The following FBXL17 variants were observed in gnomAD, a reference collection of about 807,000 sequenced individuals.
FBXL17 encodes the protein F-box/LRR-repeat protein 17.
Under a neutral mutation model 66.2 loss-of-function variants are expected in FBXL17, and 22 were observed. The ratio of observed to expected loss-of-function variants is 0.33; its 90% CI spans 0.24 to 0.47. FBXL17 has a LOEUF of 0.47. FBXL17 is among the 20% of genes least tolerant of loss of function. FBXL17 has a pLI of 1.00. For synonymous variants in FBXL17, 474 were observed against 400.5 expected (o/e 1.18, Z -2.19); for missense variants, 878 against 948.2 (o/e 0.93, Z 0.97).
At chr5:108,246,147 T>C (rs777598608) in intron 4 of FBXL17, among the ~76,000 whole-genome samples, 6 of 152,004 alleles carry the variant, frequency 3.9e-5, no homozygotes, top group Non-Finnish European at 8.8e-5. Flanking sequence ...CCTTCTTTAC[T>C]CTCCCAGCAC....
intron 6 of FBXL17, among the ~76,000 whole-genome samples, chr5:108,175,355 C>T (rs867821238): frequency 6.6e-6 from 1 of 152,106 alleles, no homozygotes; most frequent in Admixed American, 6.5e-5. Flanking sequence ...CAGAGCCATG[C>T]GCTATAGATT....
At chr5:108,295,165 A>G (rs923788482) in intron 4 of FBXL17, among the ~76,000 whole-genome samples, 1 of 152,016 alleles carries the variant, frequency 6.6e-6, no homozygotes, top group Admixed American at 6.6e-5. Flanking sequence ...GATTCCTAGT[A>G]AAATTTTAAA....
chr5:107,920,155 G>A (rs142945943), intron 7 of FBXL17, among the ~76,000 whole-genome samples: 173 of 152,246 alleles, frequency 1.1e-3, no homozygotes, highest in Non-Finnish European at 2.1e-3. Flanking sequence ...TGCAAACTGA[G>A]AACCAAAGTG....
At chr5:108,020,181 GAAA>G (rs909463073) in intron 7 of FBXL17, among the ~76,000 whole-genome samples, 20 of 151,772 alleles carry the variant, frequency 1.3e-4, no homozygotes, top group Middle Eastern at 3.4e-3. Context: ...AAAAGTCAGA[GAAA>G]ATAAACGAAA....
At chr5:108,318,222 C>A (rs1759460579) in intron 4 of FBXL17, among the ~76,000 whole-genome samples, 2 of 151,660 alleles carry the variant, frequency 1.3e-5, no homozygotes, top group Admixed American at 1.3e-4. Context: ...CTATACCCAG[C>A]ATACTGTACT....
intron 7 of FBXL17, among the ~76,000 whole-genome samples, chr5:107,924,670 T>C (rs145094436): frequency 6.6e-6 from 1 of 152,314 alleles, no homozygotes; most frequent in East Asian, 1.9e-4. Flanking sequence ...TCAGCAATTC[T>C]GGACTTAACC....
intron 4 of FBXL17, among the ~76,000 whole-genome samples, chr5:108,334,917 G>T (rs1760306326): frequency 6.6e-6 from 1 of 152,114 alleles, no homozygotes; most frequent in African/African-American, 2.4e-5. Flanking sequence ...TTCACTGTCT[G>T]AAAATGGAAA....
At chr5:108,215,199 T>C (rs183333474) in intron 5 of FBXL17, among the ~76,000 whole-genome samples, 2 of 152,382 alleles carry the variant, frequency 1.3e-5, no homozygotes, top group East Asian at 1.9e-4. Context: ...CTTTGAATCC[T>C]GTTTTTAATT....
At position 108,345,636 on chromosome 5, in the gene FBXL17, C is replaced by T. The variant is rs1037222509; in HGVS notation, c.1506+2763G>A. On this transcript the variant is annotated intron_variant, in intron 4 of 8. Coordinates refer to ENST00000542267, the MANE Select transcript of FBXL17 (RefSeq NM_001163315.3). ...TTTCCCATTAAGGTCACATAAAGAA[C>T]AAAAATGTAAAATAAACCACAACAT... is the stretch of plus-strand genomic sequence containing the variant. Among the ~76,000 whole-genome samples the T allele has an allele frequency of 6.7e-5, 10 of 150,236 alleles. 1 individual carries two copies. The highest frequency in any genetic ancestry group is 5.3e-4 in the Admixed American group (8 of 15,048).
intron 5 of FBXL17, among the ~76,000 whole-genome samples, chr5:108,188,055 T>C (rs1458519342): frequency 6.6e-6 from 1 of 152,216 alleles, no homozygotes; most frequent in East Asian, 1.9e-4. Context: ...AATTAATTTG[T>C]ATTTAATTTT....
At chr5:107,974,700 G>A (rs1752514338) in intron 7 of FBXL17, among the ~76,000 whole-genome samples, 1 of 151,852 alleles carries the variant, frequency 6.6e-6, no homozygotes, top group African/African-American at 2.4e-5. Context: ...TAGGTCCAGT[G>A]TTTTCAGATT....
chr5:108,310,275 C>A (rs1456908299), intron 4 of FBXL17, among the ~76,000 whole-genome samples: 1 of 152,154 alleles, frequency 6.6e-6, no homozygotes, highest in African/African-American at 2.4e-5. Flanking sequence ...AAGAGAAAAG[C>A]ACTATCATAC....
Position 107,913,764 on chromosome 5 carries a change from G to A in FBXL17, c.1823-32585C>T, listed in dbSNP as rs2112550708. 3.9e-5 allele frequency among the ~76,000 whole-genome samples: 6 copies of A among 152,186 alleles called. 1 individual carries two copies. The South Asian group carries it at 1.2e-3, about 32-fold the overall frequency. ...ATATGAAAGAGATGCTATCTGCTCAGGGCAATAGTGTCACTGCTTATTCTG... is the reference window on the plus strand; with the variant it reads ...ATATGAAAGAGATGCTATCTGCTCAAGGCAATAGTGTCACTGCTTATTCTG... On this transcript the variant is annotated intron_variant, in intron 7 of 8. Transcript: ENST00000542267.
At chr5:108,006,850 T>C (rs942501643) in intron 7 of FBXL17, among the ~76,000 whole-genome samples, 1 of 152,174 alleles carries the variant, frequency 6.6e-6, no homozygotes, top group African/African-American at 2.4e-5. Flanking sequence ...TGCAACTATA[T>C]GGTGGTTGAG....
chr5:107,880,247 G>C (rs1259495189), intron 8 of FBXL17: 5 of 457,670 alleles, frequency 1.1e-5, no homozygotes, highest in African/African-American at 2.1e-5. Context: ...TTTTTTTGTT[G>C]GGGGAGAGGG....
chr5:108,135,474 G>C (rs970377712), intron 6 of FBXL17, among the ~76,000 whole-genome samples: 1 of 152,042 alleles, frequency 6.6e-6, no homozygotes, highest in Non-Finnish European at 1.5e-5. Flanking sequence ...ATGAAACCAC[G>C]TTTATAATAG....
At position 108,209,868 on chromosome 5, in the gene FBXL17, T is replaced by C. The variant is rs138068735; in HGVS notation, c.1614+14253A>G. Among the ~76,000 whole-genome samples the C allele has an allele frequency of 2.8e-3, 433 of 152,328 alleles. 3 individuals carry two copies. Among genetic ancestry groups the C allele is most frequent in the African/African-American group, 9.6e-3 (401 of 41,584 alleles). ...TTCCCTCTTTTTCTATTGTTTGGAA[T>C]AGTTTCAGAGGAAATGGTACCAGCT... is the stretch of plus-strand genomic sequence containing the variant. On this transcript the variant is annotated intron_variant, in intron 5 of 8. Coordinates refer to ENST00000542267, the MANE Select transcript of FBXL17 (RefSeq NM_001163315.3).
At chr5:107,955,839 T>C (rs1751645799) in intron 7 of FBXL17, among the ~76,000 whole-genome samples, 1 of 152,198 alleles carries the variant, frequency 6.6e-6, no homozygotes, top group African/African-American at 2.4e-5. Flanking sequence ...ATATCATGTC[T>C]ATGGCTAAAA....
chr5:108,135,379 AATTT>A (rs1239709757), intron 6 of FBXL17, among the ~76,000 whole-genome samples: 40 of 152,274 alleles, frequency 2.6e-4, no homozygotes, highest in African/African-American at 8.9e-4. Flanking sequence ...TGTTCCTGGT[AATTT>A]CACCCTTACA....
Sources: allele counts gnomAD v4.1 joint callset (sites outside exome capture counted in the v4.1 genomes callset), GRCh38; gene constraint gnomAD v4.1.1; transcripts MANE v1.5; gene names NCBI Gene and HGNC (gene_info 2026-07-23, HGNC 2026-07-21).